Variants in RPTOR observed in about 807,000 individuals in gnomAD.
RPTOR encodes regulatory associated protein of MTOR complex 1, also known as regulatory-associated protein of mTOR.
A neutral mutation model predicts 169.9 loss-of-function variants in RPTOR; 21 were observed. The observed-to-expected ratio is 0.12, with a 90% CI of 0.09 to 0.18. RPTOR has a LOEUF of 0.18. Among genes scored for constraint, RPTOR ranks in the 10% least tolerant of loss-of-function variants. The pLI is 1.00. For missense variants in RPTOR, 1,133 were observed against 1,855.9 expected (o/e 0.61, Z 7.16); for synonymous variants, 732 against 753.2 (o/e 0.97, Z 0.46).
chr17:80,801,476 G>A (rs2067156659), intron 7 of RPTOR, among the ~76,000 whole-genome samples: 1 of 152,088 alleles, frequency 6.6e-6, no homozygotes, highest in Non-Finnish European at 1.5e-5. Flanking sequence ...AACAGAGCAC[G>A]GGCTCCTCAA....
At chr17:80,764,943 A>G (rs1447046318) in intron 6 of RPTOR, among the ~76,000 whole-genome samples, 5 of 152,370 alleles carry the variant, frequency 3.3e-5, no homozygotes, top group Middle Eastern at 6.8e-3. Context: ...CTCACAGCCA[A>G]ATGTTAGTAA....
intron 5 of RPTOR, among the ~76,000 whole-genome samples, chr17:80,734,445 T>C (rs1472003901): frequency 6.6e-6 from 1 of 152,206 alleles, no homozygotes; most frequent in East Asian, 1.9e-4. Context: ...AGCACTGCCC[T>C]AAGAAAGGAT....
At chr17:80,611,839 C>T (rs2065273874) in intron 1 of RPTOR, among the ~76,000 whole-genome samples, 1 of 151,786 alleles carries the variant, frequency 6.6e-6, no homozygotes, top group African/African-American at 2.4e-5. Context: ...TTTTCCCCCC[C>T]TGTAAATGAC....
intron 3 of RPTOR, among the ~76,000 whole-genome samples, chr17:80,702,975 A>G (rs910966261): frequency 3.3e-5 from 5 of 152,196 alleles, no homozygotes; most frequent in African/African-American, 1.2e-4. Flanking sequence ...GAGGCACTTG[A>G]CAATTTCACT....
In RPTOR at chr17:80,965,667, C is replaced by T. The variant is rs116809030; in HGVS notation, c.*1337C>T. The T allele has an allele frequency of 6.4e-5, 15 of 233,166 alleles. No individual in the cohort carries two copies. The highest frequency in any genetic ancestry group is 3.3e-4 in the African/African-American group (15 of 45,300). The allele number at this position is 233,166 out of a possible 1,614,324, so 14.4% of individuals were successfully genotyped here. On this transcript the variant is annotated 3_prime_UTR_variant, in exon 34 of 34. Transcript: ENST00000306801. ...GAGGCCCGGCTCTCCTGCGGTGTGGCTGGTGGCCTGCCGTGGCCAAGAGCA... is the reference window on the plus strand; with the variant it reads ...GAGGCCCGGCTCTCCTGCGGTGTGGTTGGTGGCCTGCCGTGGCCAAGAGCA...
intron 3 of RPTOR, among the ~76,000 whole-genome samples, chr17:80,671,042 G>T (rs1056491242): frequency 1.3e-5 from 2 of 152,128 alleles, no homozygotes; most frequent in African/African-American, 4.8e-5. Context: ...GAAGAGCGTG[G>T]GCCCTGGAGC....
intron 9 of RPTOR, among the ~76,000 whole-genome samples, chr17:80,836,802 G>C (rs964109148): frequency 6.6e-6 from 1 of 152,170 alleles, no homozygotes; most frequent in African/African-American, 2.4e-5. Flanking sequence ...ATGGTGGCTG[G>C]GGGTGCCCCA....
intron 6 of RPTOR, among the ~76,000 whole-genome samples, chr17:80,769,856 C>A (rs1598292890): frequency 1.3e-5 from 2 of 152,118 alleles, no homozygotes; most frequent in African/African-American, 4.8e-5. Flanking sequence ...GGGTCCGTGA[C>A]CATGAAGCTC....
At chr17:80,731,313 G>C (rs2066391151) in intron 5 of RPTOR, among the ~76,000 whole-genome samples, 1 of 152,018 alleles carries the variant, frequency 6.6e-6, no homozygotes, top group Admixed American at 6.5e-5. Flanking sequence ...TGAAAATAAA[G>C]CAGACACATT....
intron 13 of RPTOR, among the ~76,000 whole-genome samples, chr17:80,869,190 C>T (rs553879289): frequency 2.0e-5 from 3 of 152,284 alleles, no homozygotes; most frequent in Admixed American, 2.0e-4. Context: ...GATAGAGCCT[C>T]ACTCTGTCGC....
intron 6 of RPTOR, among the ~76,000 whole-genome samples, chr17:80,763,256 T>C (rs1404920616): frequency 6.6e-6 from 1 of 151,182 alleles, no homozygotes; most frequent in Non-Finnish European, 1.5e-5. Context: ...TAAAAAAAAA[T>C]AATAATAATA....
At chr17:80,608,993 A>G (rs1180698771) in intron 1 of RPTOR, among the ~76,000 whole-genome samples, 1 of 152,160 alleles carries the variant, frequency 6.6e-6, no homozygotes, top group East Asian at 1.9e-4. Flanking sequence ...GAGGTGTTAC[A>G]ATGACAAGAA....
At chr17:80,884,402 G>A (rs920025386) in intron 16 of RPTOR, among the ~76,000 whole-genome samples, 1 of 152,188 alleles carries the variant, frequency 6.6e-6, no homozygotes, top group Non-Finnish European at 1.5e-5. Flanking sequence ...TGGAACTCTG[G>A]GAGTTTCATG....
chr17:80,714,591 A>C (rs2066224432), intron 4 of RPTOR, among the ~76,000 whole-genome samples: 1 of 152,254 alleles, frequency 6.6e-6, no homozygotes. Context: ...AAGAAAATAA[A>C]AAATAATTCA....
chr17:80,716,596 G>A (rs887919300), intron 4 of RPTOR, among the ~76,000 whole-genome samples: 2 of 152,106 alleles, frequency 1.3e-5, no homozygotes, highest in African/African-American at 4.8e-5. Flanking sequence ...ATTTATCTTT[G>A]TTTTTATTGC....
At chr17:80,809,707 A>G (rs1031871555) in intron 7 of RPTOR, among the ~76,000 whole-genome samples, 2 of 152,148 alleles carry the variant, frequency 1.3e-5, no homozygotes, top group Non-Finnish European at 1.5e-5. Context: ...ATACATTGTG[A>G]ACATTTTTGC....
chr17:80,668,553 T>A (rs2143673351), intron 3 of RPTOR, among the ~76,000 whole-genome samples: 1 of 152,264 alleles, frequency 6.6e-6, no homozygotes, highest in South Asian at 2.1e-4. Context: ...AATAAAACAA[T>A]GACCAGTGTC....
intron 7 of RPTOR, among the ~76,000 whole-genome samples, chr17:80,817,158 G>T (rs923270415): frequency 1.1e-4 from 16 of 152,200 alleles, no homozygotes; most frequent in Non-Finnish European, 2.1e-4. Context: ...GGTGGTGGAG[G>T]TAGTGTAAAT....
chr17:80,608,369 A>G (rs1244232106), intron 1 of RPTOR, among the ~76,000 whole-genome samples: 2 of 152,184 alleles, frequency 1.3e-5, no homozygotes, highest in East Asian at 1.9e-4. Context: ...GGTCTTCCCT[A>G]TGAGTGCATG....
Sources: allele counts gnomAD v4.1 joint callset (sites outside exome capture counted in the v4.1 genomes callset), GRCh38; gene constraint gnomAD v4.1.1; transcripts MANE v1.5; gene names NCBI Gene and HGNC (gene_info 2026-07-23, HGNC 2026-07-21).